The following IPCEF1 variants were observed in gnomAD, a reference collection of about 807,000 sequenced individuals.
The protein encoded by IPCEF1 is interaction protein for cytohesin exchange factors 1.
IPCEF1 carries 31 observed loss-of-function variants against 50.9 expected under a neutral mutation model. The ratio of observed to expected loss-of-function variants is 0.61; its 90% CI spans 0.46 to 0.82. The LOEUF (loss-of-function observed/expected upper bound fraction) is 0.82. Among genes scored for constraint, IPCEF1 ranks in the 40% least tolerant of loss-of-function variants. IPCEF1 has a pLI of 0.00. For missense variants in IPCEF1, 458 were observed against 514.0 expected, an observed-to-expected ratio of 0.89 and a Z score of 1.05; for synonymous variants, 181 against 192.0, an observed-to-expected ratio of 0.94 and a Z score of 0.47.
chr6:154,264,827 G>A (rs767939346), intron 3 of IPCEF1, among the ~76,000 whole-genome samples: 17 of 152,078 alleles, frequency 1.1e-4, no homozygotes, highest in Non-Finnish European at 1.5e-4. Context: ...TGTTTCAGCC[G>A]CCCTGCATGT....
At position 154,249,933 on chromosome 6, in the gene IPCEF1, G is replaced by C. The variant is rs192278584; in HGVS notation, c.37-2445C>G. 2.0e-5 allele frequency among the ~76,000 whole-genome samples: 3 copies of C among 151,706 alleles called. No homozygotes were observed. In the South Asian group the frequency reaches 6.2e-4, roughly 31 times the overall value. ...GCTTTTTTTTTGTTTGTTTTTAAGT[G>C]GGGGAGGGAGCTTAGTTATTGAGTC... is the stretch of plus-strand genomic sequence containing the variant. On this transcript the variant is annotated intron_variant, in intron 3 of 11. Transcript: ENST00000367220.
intron 10 of IPCEF1, among the ~76,000 whole-genome samples, chr6:154,173,756 T>G (rs1274482022): frequency 6.6e-6 from 1 of 152,198 alleles, no homozygotes; most frequent in Non-Finnish European, 1.5e-5. Flanking sequence ...CTTCAGGATA[T>G]TATCCAGGAG....
At chr6:154,355,985 C>G (rs1011421734) in intron 1 of IPCEF1, among the ~76,000 whole-genome samples, 1 of 152,022 alleles carries the variant, frequency 6.6e-6, no homozygotes, top group Non-Finnish European at 1.5e-5. Flanking sequence ...AAATAAATAA[C>G]TCGATAGAAA....
At chr6:154,167,849 ATCTC>A (rs1799562389) in intron 11 of IPCEF1, 67 bp downstream of exon 11, 1 of 1,162,182 alleles carries the variant, frequency 8.6e-7, no homozygotes, top group Non-Finnish European at 1.2e-6. Context: ...ATTAGCAAGA[ATCTC>A]TCTGCAGAAC....
At chr6:154,243,010 G>A (rs1435828735) in intron 5 of IPCEF1, among the ~76,000 whole-genome samples, 1 of 152,222 alleles carries the variant, frequency 6.6e-6, no homozygotes, top group Admixed American at 6.5e-5. Context: ...GACCTATAAG[G>A]AGGGATAAGT....
In IPCEF1 at chr6:154,156,242, C is replaced by G. The variant is rs2128543916; in HGVS notation, c.*3586G>C. On this transcript the variant is annotated 3_prime_UTR_variant, in exon 12 of 12. Coordinates refer to ENST00000367220, the MANE Select transcript of IPCEF1 (RefSeq NM_001130700.2). ...ACTAGGAGGAGACTGTGCTCAAGCA[C>G]AGAGAGGGCCCTTTAGGTTTCAAAT... 1 of 152,366 alleles carries G rather than the reference C, an allele frequency of 6.6e-6. No homozygotes were observed. Among genetic ancestry groups the G allele is most frequent in the Middle Eastern group, 3.4e-3 (1 of 294 alleles). The allele number at this position is 152,366 out of a possible 1,614,324, so 9.4% of individuals were successfully genotyped here.
At chr6:154,247,534 T>A (rs753939941) in intron 3 of IPCEF1, 46 bp from the exon 4 acceptor site, 1 of 1,547,796 alleles carries the variant, frequency 6.5e-7, no homozygotes, top group Non-Finnish European at 8.9e-7. Context: ...CTGATTGTGT[T>A]GTAACATTTG....
At chr6:154,346,695 A>C (rs1024831700) in intron 1 of IPCEF1, among the ~76,000 whole-genome samples, 1 of 152,216 alleles carries the variant, frequency 6.6e-6, no homozygotes. Flanking sequence ...TGGCAGCATG[A>C]GAGAGAAGTG....
rs559249381 is a variant in IPCEF1 at position 154,277,013 on chromosome 6, G to A, written c.-17-11049C>T. On this transcript the variant is annotated intron_variant, in intron 2 of 11. Coordinates refer to ENST00000367220, the MANE Select transcript of IPCEF1 (RefSeq NM_001130700.2). ...AGCTGCCACTGTGTGGTCTGGAAGG[G>A]TCTGATCAGCAGGCAATACAGCTCT... Among the ~76,000 whole-genome samples, 6 of 152,340 alleles carry A rather than the reference G, an allele frequency of 3.9e-5. No homozygotes were observed. The East Asian group carries it at 9.6e-4, about 24-fold the overall frequency.
chr6:154,315,595 T>C (rs935356214), intron 1 of IPCEF1, among the ~76,000 whole-genome samples: 1 of 152,102 alleles, frequency 6.6e-6, no homozygotes, highest in African/African-American at 2.4e-5. Context: ...AATGGGCCAG[T>C]ATCCACCATT....
intron 3 of IPCEF1, among the ~76,000 whole-genome samples, chr6:154,253,825 C>G (rs1411901415): frequency 6.6e-6 from 1 of 152,150 alleles, no homozygotes; most frequent in Non-Finnish European, 1.5e-5. Context: ...ACATCTCCTT[C>G]TACCTGTTTA....
At chr6:154,238,930 TA>T (rs945093954) in intron 5 of IPCEF1, among the ~76,000 whole-genome samples, 270 of 147,340 alleles carry the variant, frequency 1.8e-3, no homozygotes, top group African/African-American at 5.6e-3. Flanking sequence ...TTGTTTTTTT[TA>T]AAAAAAAAAA....
chr6:154,161,838 G>T (rs1281462682), intron 11 of IPCEF1, among the ~76,000 whole-genome samples: 1 of 152,174 alleles, frequency 6.6e-6, no homozygotes, highest in African/African-American at 2.4e-5. Flanking sequence ...AGGACAGCAT[G>T]TGTGAAACTA....
chr6:154,291,875 G>A (rs1782524382), intron 1 of IPCEF1, among the ~76,000 whole-genome samples: 1 of 151,908 alleles, frequency 6.6e-6, no homozygotes, highest in South Asian at 2.1e-4. Context: ...AGTAGAGACG[G>A]GGTTTCACCG....
chr6:154,239,447 A>G (rs776259622), intron 5 of IPCEF1, among the ~76,000 whole-genome samples: 1 of 152,208 alleles, frequency 6.6e-6, no homozygotes, highest in Non-Finnish European at 1.5e-5. Context: ...GAAGTAACAG[A>G]ATTCAAGAAA....
intron 2 of IPCEF1, among the ~76,000 whole-genome samples, chr6:154,285,487 T>A (rs983365489): frequency 1.3e-5 from 2 of 152,158 alleles, no homozygotes; most frequent in Non-Finnish European, 2.9e-5. Flanking sequence ...GAGCTAAAAT[T>A]TAAAAAAAGC....
At chr6:154,324,056 A>AT (rs960342942) in intron 1 of IPCEF1, among the ~76,000 whole-genome samples, 1 of 152,174 alleles carries the variant, frequency 6.6e-6, no homozygotes, top group African/African-American at 2.4e-5. Context: ...TCATTTTATT[A>AT]TTTTGTCTAC....
intron 10 of IPCEF1, among the ~76,000 whole-genome samples, chr6:154,189,359 G>A (rs9397694): frequency 0.055 from 8,371 of 152,188 alleles, 339 homozygotes; most frequent in South Asian, 0.19. Context: ...ATACATCATG[G>A]CCAGCAATTC....
At chr6:154,302,173 G>A (rs978086565) in intron 1 of IPCEF1, among the ~76,000 whole-genome samples, 5 of 152,174 alleles carry the variant, frequency 3.3e-5, no homozygotes, top group African/African-American at 9.7e-5. Flanking sequence ...GTCTTTATCT[G>A]ACAGCTAGCT....
Sources: gnomAD v4.1 joint callset for allele counts (sites outside exome capture counted in the v4.1 genomes callset) on GRCh38, gnomAD v4.1.1 for gene constraint, MANE v1.5 for transcripts, NCBI Gene and HGNC (gene_info 2026-07-23, HGNC 2026-07-21) for gene names.